ZNF416: variants seen among roughly 807,000 people sequenced by gnomAD.
ZNF416 encodes zinc finger protein 416.
ZNF416 carries 5 observed loss-of-function variants against 10.9 expected under a neutral mutation model. That is an observed-to-expected ratio of 0.46 (90% CI 0.24 to 0.97). ZNF416 has a LOEUF of 0.97. ZNF416 is among the 50% of genes least tolerant of loss of function. The probability of loss-of-function intolerance (pLI) is 0.19; values close to 1 mark genes in which losing one functional copy is unlikely to be tolerated. For missense variants in ZNF416, 675 were observed against 715.0 expected (o/e 0.94, Z 0.64); for synonymous variants, 267 against 251.8 (o/e 1.06, Z -0.57).
Position 57,572,337 on chromosome 19 carries a change from C to T in ZNF416, c.1567G>A (p.Asp523Asn), listed in dbSNP as rs746934322. The T allele has an allele frequency of 1.7e-5, 27 of 1,614,030 alleles. No individual in the cohort carries two copies. The Admixed American group carries it at 2.5e-4, about 15-fold the overall frequency. The stretch of plus-strand genomic sequence containing the variant: ...AAGGATTTCCCGCACTGTCCACAGT[C>T]GTAAGGCCTTAATCCAGTGTGAATT... ...QKIHTGLRPYDCGQCGKSFIQ... is the reference protein window; with the variant it reads ...QKIHTGLRPYNCGQCGKSFIQ... The change falls in exon 4 of 4, where the codon GAC becomes AAC. Residue 523 changes from aspartate (D) to asparagine (N), a missense_variant. Coordinates refer to ENST00000196489, the MANE Select transcript of ZNF416 (RefSeq NM_017879.3). The surrounding 1 kb of genome is among the most constrained non-coding windows in gnomAD (Gnocchi z 4.5).
At position 57,573,266 on chromosome 19, in the gene ZNF416, C is replaced by G; in HGVS notation, c.638G>C (p.Ser213Thr). Residue 213 changes from serine (S) to threonine (T), a missense_variant, in exon 4 of 4, where the codon AGT (serine) becomes ACT (threonine). Transcript: ENST00000196489. Reference protein sequence around the residue: ...KCEEAFHVGISHYKWSQCRRE... With the variant: ...KCEEAFHVGITHYKWSQCRRE... The stretch of plus-strand genomic sequence containing the variant: ...CCTGCATTGACTCCACTTGTAATGA[C>G]TTATTCCAACATGAAAGGCCTCCTC... 2 of 1,614,238 alleles carry G rather than the reference C, an allele frequency of 1.2e-6. No individual in the cohort carries two copies. Among genetic ancestry groups the G allele is most frequent in the Non-Finnish European group, 1.7e-6 (2 of 1,180,046 alleles).
At position 57,575,914 on chromosome 19, in the gene ZNF416, T is replaced by A. The variant is rs1468406107; in HGVS notation, c.92A>T (p.Glu31Val). ...MGFTQGCVTF[E>V]DVAIYFSQEE... ...CTGGGAGAAGTAAATGGCCACGTCC[T>A]CAAAGGTCACACAGCCCTGCCATGA... The change falls in exon 3 of 4, where the codon GAG (glutamate) becomes GTG (valine). Residue 31 changes from glutamate (E) to valine (V), a missense_variant. Physicochemically the swap from Glu to Val is moderately radical, Grantham distance 121. Coordinates refer to ENST00000196489, the MANE Select transcript of ZNF416 (RefSeq NM_017879.3). This position sits in a 1 kb window ranked among gnomAD's most constrained non-coding sequence, Gnocchi z 4.4. 6.2e-7 allele frequency: 1 copy of A among 1,614,034 alleles called. No homozygotes were observed. The highest frequency in any genetic ancestry group is 1.7e-5 in the Admixed American group (1 of 60,018).
Position 57,572,448 on chromosome 19 carries a change from T to C in ZNF416, c.1456A>G (p.Arg486Gly). 1 of 1,614,212 alleles carries C rather than the reference T, an allele frequency of 6.2e-7. No homozygotes were observed. The highest frequency in any genetic ancestry group is 8.5e-7 in the Non-Finnish European group (1 of 1,180,032). Residue 486 changes from arginine (R) to glycine (G), a missense_variant, in exon 4 of 4, where the codon AGA (arginine) becomes GGA (glycine). By Grantham distance (125) the Arg-to-Gly change is moderately radical. Transcript: ENST00000196489. The surrounding 1 kb of genome is among the most constrained non-coding windows in gnomAD (Gnocchi z 4.5). ...AAAGGCCTTTCTCCAGTGTGAGTTC[T>C]CTGGTGCCTAACAAGTTTAGATTTG... ...MFKSKLVRHQ[R>G]THTGERPFEC... is the part of the protein sequence containing the mutation.
Position 57,572,236 on chromosome 19 carries a change from C to G in ZNF416, c.1668G>C (p.Gly556=), listed in dbSNP as rs370729368. 1.2e-6 allele frequency: 2 copies of G among 1,614,062 alleles called. No homozygotes were observed. Among genetic ancestry groups the G allele is most frequent in the African/African-American group, 2.7e-5 (2 of 74,904 alleles). Reference sequence around the variant, plus strand: ...GGCCAGAGTGTTGTGTAAAGGACTTCCCACATTTGCCACACTCATATGGCC... The same window carrying G: ...GGCCAGAGTGTTGTGTAAAGGACTTGCCACATTTGCCACACTCATATGGCC... ...GERPYECGKC[G]KSFTQHSGLI... The change falls in exon 4 of 4, where the codon GGG becomes GGC. Residue 556 remains glycine, a synonymous_variant. Transcript: ENST00000196489. The surrounding 1 kb of genome is among the most constrained non-coding windows in gnomAD (Gnocchi z 4.5).
In ZNF416 at chr19:57,573,200, A is replaced by T. The variant is rs532133735; in HGVS notation, c.704T>A (p.Val235Asp). ...SHKHTFFHPR[V>D]CTGKRLYESS... ...TTCATAAAGCCTTTTTCCAGTGCAG[A>T]CTCTAGGGTGAAAAAAAGTGTGTTT... Residue 235 changes from valine (V) to aspartate (D), a missense_variant, in exon 4 of 4, where the codon GTC (valine) becomes GAC (aspartate). Val to Asp is a radical substitution (Grantham distance 152). Transcript: ENST00000196489. 1 of 1,614,014 alleles carries T rather than the reference A, an allele frequency of 6.2e-7. No individual in the cohort carries two copies.
rs1978349770 is a variant in ZNF416 at position 57,572,820 on chromosome 19, CT to C, written c.1083del (p.Ala362ProfsTer60). The C allele has an allele frequency of 6.2e-7, 1 of 1,613,618 alleles. No homozygotes were observed. The highest frequency in any genetic ancestry group is 1.7e-5 in the Admixed American group (1 of 59,982). ...ERPYECDECG[K>X]AFGSKSTLVR... ...ACAAGAGTGGATTTGGACCCAAAGGCTTTTCCACATTCATCACACTCATAAG... is the reference window on the plus strand; with the variant it reads ...ACAAGAGTGGATTTGGACCCAAAGGCTTTCCACATTCATCACACTCATAAG... On this transcript the variant is annotated frameshift_variant, in exon 4 of 4. Transcript: ENST00000196489. LOFTEE classifies it low-confidence loss of function (END_TRUNC). The surrounding 1 kb of genome is among the most constrained non-coding windows in gnomAD (Gnocchi z 4.5).
In ZNF416 at chr19:57,573,146, C is replaced by G; in HGVS notation, c.758G>C (p.Cys253Ser). The G allele has an allele frequency of 6.2e-7, 1 of 1,614,200 alleles. No homozygotes were observed. The highest frequency in any genetic ancestry group is 8.5e-7 in the Non-Finnish European group (1 of 1,180,022). The part of the protein sequence containing the change: ...ESSKCGKACC[C>S]ECSLVQLQRV... ...TTGCAGCTGAACAAGGGAGCACTCACAGCAGCAGGCTTTCCCACATTTGCT... is the reference window on the plus strand; with the variant it reads ...TTGCAGCTGAACAAGGGAGCACTCAGAGCAGCAGGCTTTCCCACATTTGCT... Residue 253 changes from cysteine (C) to serine (S), a missense_variant, in exon 4 of 4, where the codon TGT becomes TCT. Coordinates refer to ENST00000196489, the MANE Select transcript of ZNF416 (RefSeq NM_017879.3).
At chr19:57,573,836 G>C in intron 3 of ZNF416, 135 bp from the exon 4 acceptor site, 4 of 1,121,564 alleles carry the variant, frequency 3.6e-6, no homozygotes, top group Non-Finnish European at 5.0e-6. Context: ...AGGAGTTTGA[G>C]ACCAGTCTGG....
At position 57,578,716 on chromosome 19, in the gene ZNF416, C is replaced by T; in HGVS notation, c.-12G>A. The stretch of plus-strand genomic sequence containing the variant: ...ACGGCCGCCGCCATCGGATTGTGAG[C>T]GGAGCGGGGCCGGGAGCGGCGGGCG... On this transcript the variant is annotated 5_prime_UTR_variant, in exon 1 of 4. Transcript: ENST00000196489. The T allele has an allele frequency of 6.7e-7, 1 of 1,503,432 alleles. No individual in the cohort carries two copies. Among genetic ancestry groups the T allele is most frequent in the Non-Finnish European group, 8.9e-7 (1 of 1,123,574 alleles). 93.1% of individuals were successfully genotyped at this position (1,503,432 alleles called of 1,614,324 possible). A position where few individuals can be genotyped will look rare whatever the true frequency, so the allele number is the denominator to read the frequency against.
intron 2 of ZNF416, among the ~76,000 whole-genome samples, chr19:57,577,827 C>T (rs1978597767): frequency 6.6e-6 from 1 of 152,196 alleles, no homozygotes; most frequent in Admixed American, 6.5e-5. Context: ...ACTTGCTCAT[C>T]TGGTATCTAA....
In ZNF416 at chr19:57,572,843, T is replaced by TA; in HGVS notation, c.1060dup (p.Tyr354LeufsTer2). ...GGCTTTTCCACATTCATCACACTCATAAGGCCTTTCTCCAGTGTGAATTCT... is the reference window on the plus strand; with the variant it reads ...GGCTTTTCCACATTCATCACACTCATAAAGGCCTTTCTCCAGTGTGAATTCT... On this transcript the variant is annotated frameshift_variant, in exon 4 of 4. Transcript: ENST00000196489. LOFTEE classifies it low-confidence loss of function (END_TRUNC). This position sits in a 1 kb window ranked among gnomAD's most constrained non-coding sequence, Gnocchi z 4.5. 6.2e-7 allele frequency: 1 copy of TA among 1,613,934 alleles called. No individual in the cohort carries two copies.
At position 57,575,807 on chromosome 19, in the gene ZNF416, G is replaced by A. The variant is rs1196059096; in HGVS notation, c.199C>T (p.Leu67=). The A allele has an allele frequency of 1.2e-6, 2 of 1,613,948 alleles. No homozygotes were observed. Among genetic ancestry groups the A allele is most frequent in the South Asian group, 1.1e-5 (1 of 91,082 alleles). The change falls in exon 3 of 4, where the codon CTG becomes TTG. Residue 67 remains leucine, a synonymous_variant. Transcript: ENST00000196489. The surrounding 1 kb of genome is among the most constrained non-coding windows in gnomAD (Gnocchi z 4.4). ...AGAGTGGGTGTGAGGGCCTTACCCA[G>A]CGCAGTTATAAGTGCAAAGTTCTCC... is the stretch of plus-strand genomic sequence containing the variant. ...MLENFALITA[L]VCWHGMEDEE...
Position 57,575,279 on chromosome 19 carries a change from T to C in ZNF416, c.202+525A>G, listed in dbSNP as rs1488309173. Among the ~76,000 whole-genome samples, 1 of 152,194 alleles carries C rather than the reference T, an allele frequency of 6.6e-6. No individual in the cohort carries two copies. Among genetic ancestry groups the C allele is most frequent in the African/African-American group, 2.4e-5 (1 of 41,438 alleles). On this transcript the variant is annotated intron_variant, in intron 3 of 3. Coordinates refer to ENST00000196489, the MANE Select transcript of ZNF416 (RefSeq NM_017879.3). This position sits in a 1 kb window ranked among gnomAD's most constrained non-coding sequence, Gnocchi z 4.4. ...CACCACCTCTAGATGTGCCACTACT[T>C]GGGACCTGAATGAAGCAAGTCCTAA... is the stretch of plus-strand genomic sequence containing the variant.
In ZNF416 at chr19:57,578,115, G is replaced by T; in HGVS notation, c.34-17C>A. The T allele has an allele frequency of 6.2e-7, 1 of 1,614,116 alleles. No homozygotes were observed. The highest frequency in any genetic ancestry group is 2.2e-5 in the East Asian group (1 of 44,874). On this transcript the variant is annotated splice_polypyrimidine_tract_variant and intron_variant, in intron 1 of 3. Transcript: ENST00000196489. ...CACGGGAACCTGCGGGAAGAGGAAG[G>T]CTATGAGAGGCAGGTAACTATGGTG...
At position 57,572,633 on chromosome 19, in the gene ZNF416, C is replaced by A; in HGVS notation, c.1271G>T (p.Gly424Val). The A allele has an allele frequency of 1.2e-6, 2 of 1,614,132 alleles. No individual in the cohort carries two copies. Among genetic ancestry groups the A allele is most frequent in the Non-Finnish European group, 8.5e-7 (1 of 1,180,026 alleles). The change falls in exon 4 of 4, where the codon GGC becomes GTC. Residue 424 changes from glycine (G) to valine (V), a missense_variant. Physicochemically the swap from Gly to Val is moderately radical, Grantham distance 109 (BLOSUM62 -3). Coordinates refer to ENST00000196489, the MANE Select transcript of ZNF416 (RefSeq NM_017879.3). The surrounding 1 kb of genome is among the most constrained non-coding windows in gnomAD (Gnocchi z 4.5). Reference protein sequence around the residue: ...QCGKSFSLKCGLIQHQLIHSG... With the variant: ...QCGKSFSLKCVLIQHQLIHSG... ...GTGAATTAACTGGTGCTGAATGAGG[C>A]CACACTTTAGGCTAAATGATTTCCC... is the stretch of plus-strand genomic sequence containing the variant.
Position 57,573,327 on chromosome 19 carries a change from C to T in ZNF416, c.577G>A (p.Ala193Thr). 1 of 1,614,226 alleles carries T rather than the reference C, an allele frequency of 6.2e-7. No homozygotes were observed. Among genetic ancestry groups the T allele is most frequent in the African/African-American group, 1.3e-5 (1 of 75,056 alleles). Residue 193 changes from alanine (A) to threonine (T), a missense_variant, in exon 4 of 4, where the codon GCT becomes ACT. By Grantham distance (58) the Ala-to-Thr change is moderately conservative (BLOSUM62 0). Coordinates refer to ENST00000196489, the MANE Select transcript of ZNF416 (RefSeq NM_017879.3). The part of the protein sequence containing the change: ...PLGILQPQAI[A>T]NYEKPNKISK... ...ATTTTGTTTGGCTTCTCATAGTTAG[C>T]AATAGCTTGCGGCTGAAGAATGCCC... is the stretch of plus-strand genomic sequence containing the variant.
In ZNF416 at chr19:57,573,352, C is replaced by G; in HGVS notation, c.552G>C (p.Leu184Phe). 6.2e-7 allele frequency: 1 copy of G among 1,614,218 alleles called. No homozygotes were observed. Among genetic ancestry groups the G allele is most frequent in the Non-Finnish European group, 8.5e-7 (1 of 1,180,038 alleles). The change falls in exon 4 of 4, where the codon TTG (leucine) becomes TTC (phenylalanine). Residue 184 changes from leucine to phenylalanine, a missense_variant. Transcript: ENST00000196489. ...SEVGKDFLAP[L>F]GILQPQAIAN... ...CAATAGCTTGCGGCTGAAGAATGCC[C>G]AATGGGGCTAGGAAGTCCTTCCCAA...
chr19:57,578,733 C>T lies in ZNF416; in HGVS notation c.-29G>A, dbSNP rs768918166. The T allele has an allele frequency of 8.9e-6, 13 of 1,457,254 alleles. No homozygotes were observed. The highest frequency in any genetic ancestry group is 1.9e-4 in the Middle Eastern group (1 of 5,400). 90.3% of individuals were successfully genotyped at this position (1,457,254 alleles called of 1,614,324 possible). A position where few individuals can be genotyped will look rare whatever the true frequency, so the allele number is the denominator to read the frequency against. The stretch of plus-strand genomic sequence containing the variant: ...ATTGTGAGCGGAGCGGGGCCGGGAG[C>T]GGCGGGCGACCCGGGGCGGGAACCC... On this transcript the variant is annotated 5_prime_UTR_variant, in exon 1 of 4. Coordinates refer to ENST00000196489, the MANE Select transcript of ZNF416 (RefSeq NM_017879.3).
rs528909923 is a variant in ZNF416, at chr19:57,576,916, C to T, written c.76-986G>A. 1.8e-3 allele frequency among the ~76,000 whole-genome samples: 271 copies of T among 152,220 alleles called. 3 individuals are homozygous for T. Among genetic ancestry groups the T allele is most frequent in the African/African-American group, 6.3e-3 (260 of 41,532 alleles). Reference sequence around the variant, plus strand: ...CACTCTTCTCCTAGATCCTTGGCCACTTGCCAGATCATCCTTGCTCTCACA... The same window carrying T: ...CACTCTTCTCCTAGATCCTTGGCCATTTGCCAGATCATCCTTGCTCTCACA... On this transcript the variant is annotated intron_variant, in intron 2 of 3. Transcript: ENST00000196489.
Sources: gnomAD v4.1 joint callset for allele counts (sites outside exome capture counted in the v4.1 genomes callset) on GRCh38, gnomAD v4.1.1 for gene constraint, Gnocchi (gnomAD v3.1) non-coding constraint, MANE v1.5 for transcripts, NCBI Gene and HGNC (gene_info 2026-07-23, HGNC 2026-07-21) for gene names.